Variants in DENND1A observed in about 807,000 individuals in gnomAD.
The protein encoded by DENND1A is DENN domain containing 1A.
A neutral mutation model predicts 113.7 loss-of-function variants in DENND1A; 51 were observed. The observed-to-expected ratio is 0.45, with a 90% CI of 0.36 to 0.57. The LOEUF is 0.57. DENND1A is among the 20% of genes least tolerant of loss of function. The pLI is 0.00. For synonymous variants in DENND1A, 565 were observed against 570.8 expected (o/e 0.99, Z 0.14); for missense variants, 1,258 against 1,395.9 (o/e 0.90, Z 1.57).
intron 9 of DENND1A, among the ~76,000 whole-genome samples, chr9:123,630,990 A>G (rs1453013511): frequency 2.0e-5 from 3 of 152,226 alleles, no homozygotes; most frequent in Non-Finnish European, 4.4e-5. Context: ...TGAATTTCCC[A>G]TGCTATTAAT....
chr9:123,727,897 G>C (rs2067824620), intron 5 of DENND1A, among the ~76,000 whole-genome samples: 1 of 150,020 alleles, frequency 6.7e-6, no homozygotes, highest in Admixed American at 6.6e-5. Flanking sequence ...ATGAGGTCAG[G>C]AGATCGAGAC....
chr9:123,552,383 G>T (rs999639018), intron 13 of DENND1A, among the ~76,000 whole-genome samples: 2 of 152,250 alleles, frequency 1.3e-5, no homozygotes, highest in African/African-American at 4.8e-5. Flanking sequence ...CTTATGGAAG[G>T]GGAACTGAGG....
At chr9:123,590,639 G>T (rs150724115) in intron 11 of DENND1A, among the ~76,000 whole-genome samples, 20 of 152,286 alleles carry the variant, frequency 1.3e-4, no homozygotes, top group African/African-American at 3.6e-4. Flanking sequence ...TCTTTTGTGG[G>T]TGATGAAAAT....
At chr9:123,664,496 T>C (rs923540800) in intron 8 of DENND1A, among the ~76,000 whole-genome samples, 2 of 151,982 alleles carry the variant, frequency 1.3e-5, no homozygotes, top group African/African-American at 4.8e-5. Context: ...TTTTGGTTAT[T>C]TATTACTATT....
intron 9 of DENND1A, among the ~76,000 whole-genome samples, chr9:123,631,317 A>G (rs1023680217): frequency 4.6e-5 from 7 of 152,110 alleles, no homozygotes; most frequent in African/African-American, 1.4e-4. Flanking sequence ...AAGGTTGAAC[A>G]TTTTGTCATA....
intron 5 of DENND1A, among the ~76,000 whole-genome samples, chr9:123,705,203 A>T (rs1032209058): frequency 1.3e-5 from 2 of 152,224 alleles, no homozygotes; most frequent in African/African-American, 4.8e-5. Context: ...GCAAAAAAGA[A>T]TCTCCTTAAT....
At chr9:123,860,359 G>A (rs914666824) in intron 2 of DENND1A, among the ~76,000 whole-genome samples, 9 of 152,064 alleles carry the variant, frequency 5.9e-5, no homozygotes, top group African/African-American at 1.9e-4. Context: ...CTAGTCATTC[G>A]TTCATTGTTT....
At chr9:123,471,577 C>G (rs964326068) in intron 13 of DENND1A, among the ~76,000 whole-genome samples, 1 of 152,182 alleles carries the variant, frequency 6.6e-6, no homozygotes, top group African/African-American at 2.4e-5. Context: ...GGAACCTCCA[C>G]GAAGCTGCCT....
At chr9:123,505,493 A>G (rs1564616443) in intron 13 of DENND1A, among the ~76,000 whole-genome samples, 1 of 152,234 alleles carries the variant, frequency 6.6e-6, no homozygotes, top group Non-Finnish European at 1.5e-5. Flanking sequence ...AACAAATTGA[A>G]TCTTATTTAA....
intron 9 of DENND1A, among the ~76,000 whole-genome samples, chr9:123,635,189 G>A (rs933923747): frequency 2.0e-5 from 3 of 152,148 alleles, no homozygotes; most frequent in African/African-American, 7.2e-5. Flanking sequence ...AACTTGACGT[G>A]AAATAAAAAT....
intron 1 of DENND1A, among the ~76,000 whole-genome samples, chr9:123,906,998 A>G (rs1227392777): frequency 1.3e-5 from 2 of 150,026 alleles, no homozygotes; most frequent in Admixed American, 6.7e-5. Context: ...CACATCAAAA[A>G]GCTTATCCAC....
chr9:123,749,020 G>T (rs1452035909), intron 5 of DENND1A, among the ~76,000 whole-genome samples: 1 of 152,190 alleles, frequency 6.6e-6, no homozygotes, highest in Non-Finnish European at 1.5e-5. Context: ...AAAAGGGAAT[G>T]TGACTCCTTG....
intron 9 of DENND1A, among the ~76,000 whole-genome samples, chr9:123,647,852 C>T (rs1386870883): frequency 6.6e-6 from 1 of 152,094 alleles, no homozygotes; most frequent in African/African-American, 2.4e-5. Context: ...TAAAAAAAGC[C>T]ACTGTGAACA....
At chr9:123,610,198 G>A (rs1027525062) in intron 10 of DENND1A, among the ~76,000 whole-genome samples, 7 of 152,168 alleles carry the variant, frequency 4.6e-5, no homozygotes, top group Admixed American at 6.5e-5. Flanking sequence ...TGGATACACC[G>A]GTCCTGCCGT....
At chr9:123,896,545 G>A (rs951221975) in intron 1 of DENND1A, among the ~76,000 whole-genome samples, 1 of 152,038 alleles carries the variant, frequency 6.6e-6, no homozygotes, top group Admixed American at 6.5e-5. Flanking sequence ...AAGAACCTCA[G>A]AAATAAAAGA....
chr9:123,677,904 T>A (rs764375845), intron 5 of DENND1A, among the ~76,000 whole-genome samples: 2 of 152,170 alleles, frequency 1.3e-5, no homozygotes, highest in Non-Finnish European at 2.9e-5. Flanking sequence ...TACTTCCTCA[T>A]AGATATGCTC....
intron 12 of DENND1A, among the ~76,000 whole-genome samples, chr9:123,567,454 A>G (rs182960741): frequency 6.6e-6 from 1 of 152,352 alleles, no homozygotes; most frequent in East Asian, 1.9e-4. Context: ...AAGTGGACCA[A>G]TATCTTTCAA....
chr9:123,818,547 CACACACACACACACACACACATAT>C (rs1205516612), intron 2 of DENND1A, among the ~76,000 whole-genome samples: 1 of 148,216 alleles, frequency 6.7e-6, no homozygotes, highest in Admixed American at 6.8e-5. Flanking sequence ...CACACACACA[CACACACACACACACACACACATAT>C]ATATATATAT....
At chr9:123,442,086 A>G (rs1486880992) in intron 18 of DENND1A, among the ~76,000 whole-genome samples, 1 of 152,260 alleles carries the variant, frequency 6.6e-6, no homozygotes, top group Non-Finnish European at 1.5e-5. Context: ...TTAGCTATTC[A>G]GTAAATTATA....
Sources: allele counts gnomAD v4.1 joint callset (sites outside exome capture counted in the v4.1 genomes callset), GRCh38; gene constraint gnomAD v4.1.1; transcripts MANE v1.5; gene names NCBI Gene and HGNC (gene_info 2026-07-23, HGNC 2026-07-21).